Variants in ANK2 observed in about 807,000 individuals in gnomAD.
ANK2 encodes the protein ankyrin 2.
ANK2 carries 83 observed loss-of-function variants against 360.5 expected under a neutral mutation model. The ratio of observed to expected loss-of-function variants is 0.23; its 90% confidence interval spans 0.19 to 0.28. The LOEUF is 0.28. Ranked by LOEUF, ANK2 falls within the 10% of genes least tolerant of loss-of-function variation. The probability of loss-of-function intolerance (pLI) is 1.00; values close to 1 mark genes in which losing one functional copy is unlikely to be tolerated. For missense variants in ANK2, 4,201 were observed against 4,795.7 expected, an observed-to-expected ratio of 0.88 and a Z score of 3.66; for synonymous variants, 1,740 against 1,759.5, an observed-to-expected ratio of 0.99 and a Z score of 0.28.
At position 113,288,396 on chromosome 4, in the gene ANK2, C is replaced by T. The variant is rs911331719; in HGVS notation, c.2187C>T (p.Tyr729=). ...TTTATTATTATTTACAGCTTGGTTACACACCTTTAATTGTGGCCTGTCACT... is the reference window on the plus strand; with the variant it reads ...TTTATTATTATTTACAGCTTGGTTATACACCTTTAATTGTGGCCTGTCACT... ...ADQDAHTKLG[Y]TPLIVACHYG... The change falls in exon 20 of 46, where the codon TAC becomes TAT. Residue 729 remains tyrosine (Y), a synonymous_variant. Coordinates refer to ENST00000357077, the MANE Select transcript of ANK2 (RefSeq NM_001148.6). The T allele has an allele frequency of 3.8e-5, 61 of 1,613,318 alleles. No homozygotes were observed. The highest frequency in any genetic ancestry group is 5.1e-5 in the Non-Finnish European group (60 of 1,179,560).
intron 1 of ANK2, among the ~76,000 whole-genome samples, chr4:112,833,460 A>G (rs1220666492): frequency 6.6e-6 from 1 of 152,042 alleles, no homozygotes; most frequent in Non-Finnish European, 1.5e-5. Flanking sequence ...TACGTGATGC[A>G]CCTAGGTGCC....
intron 4 of ANK2, among the ~76,000 whole-genome samples, chr4:113,218,310 A>G (rs1355701356): frequency 1.3e-5 from 2 of 152,242 alleles, no homozygotes; most frequent in African/African-American, 2.4e-5. Context: ...AATCAAAAAA[A>G]TGAACCTTTT....
the ANK2 span, among the ~76,000 whole-genome samples, chr4:112,812,435 A>G: frequency 1.3e-5 from 2 of 152,158 alleles, no homozygotes; most frequent in African/African-American, 2.4e-5. Flanking sequence ...GTGAAATCCA[A>G]CCACCCTGAA....
rs29414 is a variant in ANK2, at chr4:113,264,781, T to G, written c.1387-116T>G. On this transcript the variant is annotated intron_variant, in intron 13 of 45. Transcript: ENST00000357077. ...CAGACTAAATAATTATGCCTTTTCA[T>G]AGGTTTCTTAAATCCTTGGATATAT... is the stretch of plus-strand genomic sequence containing the variant. The G allele has an allele frequency of 0.012, 12,071 of 989,810 alleles. 895 individuals carry two copies. The African/African-American group carries it at 0.17, about 14-fold the overall frequency. 61.3% of individuals were successfully genotyped at this position (989,810 alleles called of 1,614,324 possible).
intron 2 of ANK2, among the ~76,000 whole-genome samples, chr4:112,967,514 C>T (rs1294062390): frequency 6.6e-6 from 1 of 152,002 alleles, no homozygotes; most frequent in Non-Finnish European, 1.5e-5. Flanking sequence ...AAAAATGGCC[C>T]ATTGTTATCT....
At chr4:113,094,950 G>T (rs967192853) in intron 1 of ANK2, among the ~76,000 whole-genome samples, 1 of 152,160 alleles carries the variant, frequency 6.6e-6, no homozygotes, top group Non-Finnish European at 1.5e-5. Context: ...AGCATGACTG[G>T]CCTCCAGTGG....
chr4:113,191,087 C>G (rs925623004), intron 2 of ANK2, among the ~76,000 whole-genome samples: 1 of 152,146 alleles, frequency 6.6e-6, no homozygotes, highest in Non-Finnish European at 1.5e-5. Flanking sequence ...CGCCTATAAT[C>G]CCAGCACTTT....
At chr4:112,743,203 G>C in the ANK2 span, among the ~76,000 whole-genome samples, 24 of 152,284 alleles carry the variant, frequency 1.6e-4, no homozygotes, top group Admixed American at 5.9e-4. Flanking sequence ...ACAGAAACAT[G>C]AAAGTGCGGG....
intron 1 of ANK2, among the ~76,000 whole-genome samples, chr4:113,146,695 A>T (rs1283490307): frequency 6.6e-6 from 1 of 151,588 alleles, no homozygotes; most frequent in African/African-American, 2.4e-5. Context: ...TTTGGCCAGG[A>T]ATCTCTGAAA....
At chr4:113,097,901 CAT>C (rs1445274692) in intron 1 of ANK2, among the ~76,000 whole-genome samples, 2 of 123,050 alleles carry the variant, frequency 1.6e-5, no homozygotes, top group Admixed American at 1.5e-4. Flanking sequence ...CGCACACACA[CAT>C]ATATATGTAT....
intron 32 of ANK2, among the ~76,000 whole-genome samples, chr4:113,339,612 C>G (rs2272228): frequency 0.11 from 16,019 of 152,234 alleles, 2,085 homozygotes; most frequent in African/African-American, 0.31. Flanking sequence ...TTTCCACTTC[C>G]AAAGTCCTTA....
At position 113,354,244 on chromosome 4, in the gene ANK2, G is replaced by C. The variant is rs1554553071; in HGVS notation, c.5626G>C (p.Glu1876Gln). ...HSPASSSSKT[E>Q]KHSPVSPSTK... ...ACCTGCGTCATCATCGAGTAAAACT[G>C]AGAAACACTCACCTGTATCACCCTC... is the stretch of plus-strand genomic sequence containing the variant. Residue 1876 changes from glutamate (E) to glutamine (Q), a missense_variant, in exon 38 of 46, where the codon GAG (glutamate) becomes CAG (glutamine). Glu to Gln is a conservative substitution (Grantham distance 29, BLOSUM62 2). Transcript: ENST00000357077. 1.9e-6 allele frequency: 3 copies of C among 1,614,040 alleles called. No homozygotes were observed. Among genetic ancestry groups the C allele is most frequent in the Non-Finnish European group, 2.5e-6 (3 of 1,179,980 alleles).
At chr4:112,953,300 A>T (rs1315085508) in intron 2 of ANK2, among the ~76,000 whole-genome samples, 1 of 152,246 alleles carries the variant, frequency 6.6e-6, no homozygotes, top group Non-Finnish European at 1.5e-5. Flanking sequence ...GGCAAGCATA[A>T]TTTATAGCTT....
intron 1 of ANK2, among the ~76,000 whole-genome samples, chr4:112,819,533 T>A (rs2056383698): frequency 6.6e-6 from 1 of 152,060 alleles, no homozygotes; most frequent in Non-Finnish European, 1.5e-5. Context: ...CCTTTTTTTT[T>A]AGCCTTTTGC....
chr4:112,848,207 C>T (rs377630316), intron 1 of ANK2, among the ~76,000 whole-genome samples: 2 of 152,128 alleles, frequency 1.3e-5, no homozygotes, highest in East Asian at 1.9e-4. Flanking sequence ...GTCACTCCAC[C>T]TCCACCTCCT....
chr4:112,994,463 T>A (rs551706531), intron 2 of ANK2, among the ~76,000 whole-genome samples: 1 of 152,182 alleles, frequency 6.6e-6, no homozygotes, highest in Non-Finnish European at 1.5e-5. Flanking sequence ...CAACAATTCA[T>A]AGGAGAATAA....
intron 11 of ANK2, among the ~76,000 whole-genome samples, chr4:113,256,240 A>G (rs1017455013): frequency 1.3e-5 from 2 of 152,260 alleles, no homozygotes; most frequent in African/African-American, 4.8e-5. Flanking sequence ...GTTGAAAAAT[A>G]GGAAATTACA....
At chr4:113,261,379 A>G (rs191080632) in intron 13 of ANK2, among the ~76,000 whole-genome samples, 24 of 152,314 alleles carry the variant, frequency 1.6e-4, no homozygotes, top group South Asian at 6.2e-4. Flanking sequence ...CTTCCTTCCC[A>G]TAAGAAATCA....
At position 113,060,340 on chromosome 4, in the gene ANK2, G is replaced by A. The variant is rs539815710; in HGVS notation, c.84+10528G>A. Among the ~76,000 whole-genome samples, 6 of 152,114 alleles carry A rather than the reference G, an allele frequency of 3.9e-5. No individual in the cohort carries two copies. In the South Asian group the frequency reaches 1.2e-3, roughly 32 times the overall value. On this transcript the variant is annotated intron_variant, in intron 1 of 45. Transcript: ENST00000357077. ...CATTGAGAGATTAGTATATCTACAT[G>A]CCAGTCTACATAGAGTTCTACATAG...
Sources: allele counts gnomAD v4.1 joint callset (sites outside exome capture counted in the v4.1 genomes callset), GRCh38; gene constraint gnomAD v4.1.1; transcripts MANE v1.5; gene names NCBI Gene and HGNC (gene_info 2026-07-23, HGNC 2026-07-21).